ZNF430: variants seen among roughly 807,000 people sequenced by gnomAD.
The protein encoded by ZNF430 is zinc finger protein 430.
Under a neutral mutation model 56.7 loss-of-function variants are expected in ZNF430, and 35 were observed. The observed-to-expected ratio is 0.62, with a 90% CI of 0.47 to 0.82. The LOEUF (loss-of-function observed/expected upper bound fraction) is 0.82. Ranked by LOEUF, ZNF430 falls within the 40% of genes least tolerant of loss-of-function variation. The probability of loss-of-function intolerance (pLI) is 0.00; values close to 1 mark genes in which losing one functional copy is unlikely to be tolerated. For missense variants in ZNF430, 574 were observed against 661.0 expected (o/e 0.87, Z 1.44); for synonymous variants, 212 against 224.3 (o/e 0.94, Z 0.49).
Position 21,059,575 on chromosome 19 carries a change from G to T in ZNF430, c.*1554G>T, listed in dbSNP as rs923308634. The T allele has an allele frequency of 6.6e-6, 1 of 150,790 alleles. No individual in the cohort carries two copies. Among genetic ancestry groups the T allele is most frequent in the Non-Finnish European group, 1.5e-5 (1 of 67,760 alleles). 9.3% of individuals were successfully genotyped at this position (150,790 alleles called of 1,614,324 possible). A position where few individuals can be genotyped will look rare whatever the true frequency, so the allele number is the denominator to read the frequency against. ...AAAAAAAAAAAAACAACTAAAGTTG[G>T]TAGAAAAATTATTTGTATATAACTT... On this transcript the variant is annotated 3_prime_UTR_variant, in exon 5 of 5. Coordinates refer to ENST00000261560, the MANE Select transcript of ZNF430 (RefSeq NM_025189.4).
At chr19:21,042,750 T>C (rs1968128141) in intron 4 of ZNF430, among the ~76,000 whole-genome samples, 1 of 151,474 alleles carries the variant, frequency 6.6e-6, no homozygotes, top group South Asian at 2.1e-4. Flanking sequence ...ATCGCGCCAC[T>C]GCACTCTAGC....
intron 4 of ZNF430, among the ~76,000 whole-genome samples, chr19:21,055,740 C>A (rs1469608495): frequency 6.6e-6 from 1 of 152,170 alleles, no homozygotes; most frequent in Non-Finnish European, 1.5e-5. Flanking sequence ...AGGCATGAAC[C>A]ACCACAACTG....
intron 4 of ZNF430, among the ~76,000 whole-genome samples, chr19:21,046,101 C>T (rs1599502892): frequency 6.6e-6 from 1 of 152,036 alleles, no homozygotes; most frequent in East Asian, 1.9e-4. Context: ...GCAGGTGAAT[C>T]ACCTGAGGTC....
Position 21,056,832 on chromosome 19 carries a change from A to G in ZNF430, c.524A>G (p.Glu175Gly), listed in dbSNP as rs759878122. The G allele has an allele frequency of 1.4e-5, 22 of 1,613,396 alleles. No individual in the cohort carries two copies. In the East Asian group the frequency reaches 2.2e-4, roughly 16 times the overall value. ...LNQCLTTTQS[E>G]IFQYDKYVNV... ...CAGTGTTTGACAACTACCCAGAGTGAAATATTTCAATATGATAAATATGTG... is the reference window on the plus strand; with the variant it reads ...CAGTGTTTGACAACTACCCAGAGTGGAATATTTCAATATGATAAATATGTG... The change falls in exon 5 of 5, where the codon GAA becomes GGA. Residue 175 changes from glutamate to glycine, a missense_variant. Transcript: ENST00000261560.
intron 4 of ZNF430, chr19:21,049,657 G>GCAACATTTCTTGTTACA (rs1968247991): frequency 2.9e-5 from 1 of 35,014 alleles, no homozygotes; most frequent in African/African-American, 4.9e-5. Context: ...TTCTTGTTAC[G>GCAACATTTCTTGTTACA]TTTCCTGCAA....
rs1261113316 is a variant in ZNF430, at chr19:21,057,553, C to G, written c.1245C>G (p.Thr415=). Residue 415 remains threonine, a synonymous_variant, in exon 5 of 5, where the codon ACC becomes ACG. Transcript: ENST00000261560. ...GCAAAGGCTTTAATTGGTCCTCGAC[C>G]CTTACTAAACATAAAAGAATTCATA... ...ECGKGFNWSS[T]LTKHKRIHTG... The G allele has an allele frequency of 1.9e-6, 3 of 1,612,428 alleles. No homozygotes were observed. The Admixed American group carries it at 5.0e-5, about 27-fold the overall frequency.
rs369825441 is a variant in ZNF430 at position 21,056,670 on chromosome 19, A to C, written c.362A>C (p.Gln121Pro). 6.3e-7 allele frequency: 1 copy of C among 1,576,178 alleles called. No homozygotes were observed. The highest frequency in any genetic ancestry group is 1.4e-5 in the African/African-American group (1 of 73,802). ...SHFAQDLWPE[Q>P]GIKDSFQEVI... ...TTTGCCCAAGACCTTTGGCCAGAGC[A>C]GGGCATAAAAGATTCTTTCCAAGAA... Residue 121 changes from glutamine to proline, a missense_variant, in exon 5 of 5, where the codon CAG (glutamine) becomes CCG (proline). Physicochemically the swap from Gln to Pro is moderately conservative, Grantham distance 76 (BLOSUM62 -1). Around this residue, in one of 3 missense-constraint regions of ZNF430, gnomAD observed 346 missense variants for 399.1 expected, o/e 0.87. Transcript: ENST00000261560.
intron 4 of ZNF430, among the ~76,000 whole-genome samples, chr19:21,046,317 C>CAAAA (rs60881206): frequency 1.8e-5 from 2 of 110,120 alleles, no homozygotes; most frequent in African/African-American, 7.8e-5. Flanking sequence ...GACTCCATCT[C>CAAAA]AAAAAAAAAA....
At chr19:21,027,722 T>C (rs1204417324) in intron 2 of ZNF430, among the ~76,000 whole-genome samples, 1 of 152,176 alleles carries the variant, frequency 6.6e-6, no homozygotes, top group African/African-American at 2.4e-5. Flanking sequence ...TGGTACTAGC[T>C]CTTTTTTGTA....
At chr19:21,046,776 A>G (rs1268992826) in intron 4 of ZNF430, among the ~76,000 whole-genome samples, 4 of 151,934 alleles carry the variant, frequency 2.6e-5, no homozygotes, top group Non-Finnish European at 5.9e-5. Context: ...TTTATTCCTG[A>G]ATTTCAATCT....
In ZNF430 at chr19:21,056,776, T is replaced by A. The variant is rs150504986; in HGVS notation, c.468T>A (p.Asn156Lys). 3.3e-4 allele frequency: 533 copies of A among 1,613,962 alleles called. No individual in the cohort carries two copies. The African/African-American group carries it at 6.2e-3, about 19-fold the overall frequency. ...RTGCKSVDEC[N>K]LHKECYDELN... ...GCTGTAAAAGTGTGGATGAGTGTAA[T>A]CTGCACAAAGAATGTTATGATGAAC... Residue 156 changes from asparagine (N) to lysine (K), a missense_variant, in exon 5 of 5, where the codon AAT (asparagine) becomes AAA (lysine). By Grantham distance (94) the Asn-to-Lys change is moderately conservative. Around this residue, in one of 3 missense-constraint regions of ZNF430, gnomAD observed 346 missense variants for 399.1 expected, o/e 0.87. Coordinates refer to ENST00000261560, the MANE Select transcript of ZNF430 (RefSeq NM_025189.4).
At chr19:21,055,587 T>C (rs1968362005) in intron 4 of ZNF430, among the ~76,000 whole-genome samples, 1 of 152,134 alleles carries the variant, frequency 6.6e-6, no homozygotes, top group South Asian at 2.1e-4. Flanking sequence ...TAGCTGGGAA[T>C]ACAGGTGTAC....
At chr19:21,042,648 C>T (rs549505633) in intron 4 of ZNF430, among the ~76,000 whole-genome samples, 10 of 152,056 alleles carry the variant, frequency 6.6e-5, no homozygotes, top group African/African-American at 1.2e-4. Context: ...ATTAGCTGGG[C>T]GTGGTGGCGG....
intron 2 of ZNF430, chr19:21,025,992 A>C: frequency 2.5e-6 from 1 of 397,538 alleles, no homozygotes; most frequent in South Asian, 2.1e-5. Flanking sequence ...ATGAGATAGT[A>C]ATGTGGGCCC....
At chr19:21,033,853 A>G (rs908531863) in intron 3 of ZNF430, 7 of 529,036 alleles carry the variant, frequency 1.3e-5, no homozygotes, top group East Asian at 1.0e-4. Flanking sequence ...ATTGTTGCCC[A>G]TATCTTAAAA....
rs919863061 is a variant in ZNF430 at position 21,022,860 on chromosome 19, G to C, written c.75G>C (p.Leu25=). Residue 25 remains leucine (L), a synonymous_variant, in exon 2 of 5, where the codon CTG becomes CTC. Transcript: ENST00000261560. The part of the protein sequence containing the change: ...SGCPGADRNL[L]VYSFYEKGPL... The stretch of plus-strand genomic sequence containing the variant: ...GCCCTGGGGCTGACAGGAATCTTCT[G>C]GTGTACTCTTTTTATGAAAAGGTAA... 1 of 1,613,454 alleles carries C rather than the reference G, an allele frequency of 6.2e-7. No homozygotes were observed. Among genetic ancestry groups the C allele is most frequent in the African/African-American group, 1.3e-5 (1 of 74,876 alleles).
intron 3 of ZNF430, 93 bp from the exon 4 acceptor site, chr19:21,033,993 A>G (rs1451302940): frequency 3.3e-6 from 3 of 903,812 alleles, no homozygotes; most frequent in Non-Finnish European, 5.0e-6. Context: ...TTAATTTTCT[A>G]GAATATTCTA....
intron 2 of ZNF430, among the ~76,000 whole-genome samples, chr19:21,023,167 C>A (rs565487310): frequency 1.3e-5 from 2 of 152,140 alleles, no homozygotes; most frequent in African/African-American, 4.8e-5. Context: ...AAGTTAAATG[C>A]CCGTGGGACA....
Position 21,058,270 on chromosome 19 carries a change from T to A in ZNF430, c.*249T>A. The A allele has an allele frequency of 2.2e-6, 1 of 444,704 alleles. No individual in the cohort carries two copies. Among genetic ancestry groups the A allele is most frequent in the Non-Finnish European group, 4.0e-6 (1 of 248,814 alleles). 27.5% of individuals were successfully genotyped at this position (444,704 alleles called of 1,614,324 possible). A position where few individuals can be genotyped will look rare whatever the true frequency, so the allele number is the denominator to read the frequency against. On this transcript the variant is annotated 3_prime_UTR_variant, in exon 5 of 5. Transcript: ENST00000261560. ...GACCAGCCTGACCAACATGGTGAAA[T>A]CCTGTCTCTACTAAAAATACAAAAT...
Sources: allele counts gnomAD v4.1 joint callset (sites outside exome capture counted in the v4.1 genomes callset), GRCh38; gene constraint gnomAD v4.1.1; regional missense constraint gnomAD v4.1.1; transcripts MANE v1.5; gene names NCBI Gene and HGNC (gene_info 2026-07-23, HGNC 2026-07-21).